Variants in GRM8 observed in about 807,000 individuals in gnomAD.
GRM8 encodes glutamate metabotropic receptor 8.
In GRM8, 47 loss-of-function variants were observed where a neutral mutation model predicts 87.2. The ratio of observed to expected loss-of-function variants is 0.54; its 90% CI spans 0.43 to 0.69. GRM8 has a LOEUF of 0.69. GRM8 is among the 30% of genes least tolerant of loss of function. The probability of loss-of-function intolerance (pLI) is 0.00; values close to 1 mark genes in which losing one functional copy is unlikely to be tolerated. For missense variants in GRM8, 1,019 were observed against 1,139.2 expected (o/e 0.89, Z 1.52); for synonymous variants, 396 against 404.5 (o/e 0.98, Z 0.25).
intron 8 of GRM8, among the ~76,000 whole-genome samples, chr7:126,544,576 T>G (rs1176771488): frequency 6.6e-6 from 1 of 152,086 alleles, no homozygotes; most frequent in African/African-American, 2.4e-5. Flanking sequence ...GGTGACACGA[T>G]CTCAGCTCAC....
chr7:126,684,797 T>C (rs1043748280), intron 7 of GRM8, among the ~76,000 whole-genome samples: 1 of 152,222 alleles, frequency 6.6e-6, no homozygotes, highest in African/African-American at 2.4e-5. Context: ...CTGTGTATTT[T>C]GTTTGTATTA....
At chr7:126,874,804 A>C (rs1285376042) in intron 6 of GRM8, among the ~76,000 whole-genome samples, 1 of 152,146 alleles carries the variant, frequency 6.6e-6, no homozygotes, top group Non-Finnish European at 1.5e-5. Context: ...ATGGAAGTAC[A>C]TTTGACCATT....
At position 127,027,598 on chromosome 7, in the gene GRM8, T is replaced by C. The variant is rs529586603; in HGVS notation, c.727+78898A>G. ...AGGTATTTTATTCTCTTTGAAGCAA[T>C]TGTGAATGGGAGTTCACTCACGATT... On this transcript the variant is annotated intron_variant, in intron 3 of 10. Transcript: ENST00000339582. Among the ~76,000 whole-genome samples the C allele has an allele frequency of 2.6e-5, 4 of 152,324 alleles. No individual in the cohort carries two copies. The South Asian group carries it at 8.3e-4, about 32-fold the overall frequency.
chr7:127,120,047 C>G (rs539652458), intron 2 of GRM8, among the ~76,000 whole-genome samples: 1 of 152,184 alleles, frequency 6.6e-6, no homozygotes, highest in Non-Finnish European at 1.5e-5. Flanking sequence ...AAACTTGTCA[C>G]GCACACCAAT....
chr7:126,506,024 A>G (rs1810414135), intron 9 of GRM8, among the ~76,000 whole-genome samples: 1 of 151,984 alleles, frequency 6.6e-6, no homozygotes, highest in South Asian at 2.1e-4. Context: ...GTCAACCACC[A>G]TGCTACTCTC....
At chr7:127,058,274 A>G (rs1820217224) in intron 3 of GRM8, 1 of 381,202 alleles carries the variant, frequency 2.6e-6, no homozygotes, top group African/African-American at 2.2e-5. Context: ...TTGTCAACAC[A>G]CTCCTGGTTG....
At chr7:126,893,561 G>A (rs910356707) in intron 6 of GRM8, among the ~76,000 whole-genome samples, 4 of 151,882 alleles carry the variant, frequency 2.6e-5, no homozygotes, top group African/African-American at 9.7e-5. Context: ...GGACTATCTG[G>A]CCATACATTA....
At chr7:126,843,286 A>T (rs1796437246) in intron 6 of GRM8, among the ~76,000 whole-genome samples, 1 of 152,194 alleles carries the variant, frequency 6.6e-6, no homozygotes, top group Non-Finnish European at 1.5e-5. Context: ...TAAATCCATT[A>T]TATAAACTAA....
chr7:126,847,294 G>A (rs1796786621), intron 6 of GRM8, among the ~76,000 whole-genome samples: 1 of 152,110 alleles, frequency 6.6e-6, no homozygotes, highest in South Asian at 2.1e-4. Context: ...TTATCACCTT[G>A]AGTACATAAT....
chr7:126,818,267 T>C (rs1441619313), intron 6 of GRM8, among the ~76,000 whole-genome samples: 2 of 152,200 alleles, frequency 1.3e-5, no homozygotes, highest in African/African-American at 4.8e-5. Flanking sequence ...ACGAGATATT[T>C]TCATTCCATA....
chr7:127,195,732 G>T (rs1370690603), intron 2 of GRM8, among the ~76,000 whole-genome samples: 3 of 152,064 alleles, frequency 2.0e-5, no homozygotes, highest in African/African-American at 7.2e-5. Flanking sequence ...AGAAAAATGA[G>T]GTGCTCTTCC....
chr7:127,223,640 T>C (rs1587319939), intron 2 of GRM8, among the ~76,000 whole-genome samples: 1 of 151,844 alleles, frequency 6.6e-6, no homozygotes, highest in Non-Finnish European at 1.5e-5. Flanking sequence ...TGCAAAGGTG[T>C]CAGAGGAGGC....
intron 3 of GRM8, chr7:127,058,226 C>T (rs1375371238): frequency 2.1e-6 from 1 of 466,196 alleles, no homozygotes; most frequent in East Asian, 6.9e-5. Flanking sequence ...AGCCTGGCCC[C>T]AGGAAGGGCA....
intron 7 of GRM8, among the ~76,000 whole-genome samples, chr7:126,677,377 C>T (rs1162729819): frequency 1.4e-5 from 2 of 144,760 alleles, no homozygotes; most frequent in South Asian, 2.2e-4. Context: ...AAAAAAAAAG[C>T]CATATCAAAA....
chr7:126,827,986 T>C (rs1277754208), intron 6 of GRM8, among the ~76,000 whole-genome samples: 3 of 152,244 alleles, frequency 2.0e-5, no homozygotes, highest in Non-Finnish European at 2.9e-5. Flanking sequence ...GTTTTTGTTT[T>C]TGGTTCTGTT....
chr7:126,814,600 A>G (rs1793600163), intron 6 of GRM8, among the ~76,000 whole-genome samples: 1 of 151,568 alleles, frequency 6.6e-6, no homozygotes. Context: ...CCAACCTAAA[A>G]CCCCTGCATT....
intron 7 of GRM8, among the ~76,000 whole-genome samples, chr7:126,738,854 G>A (rs1039063956): frequency 6.6e-6 from 1 of 151,288 alleles, no homozygotes; most frequent in Admixed American, 6.6e-5. Context: ...GGAGGAGGGG[G>A]AGGAAGAGGA....
intron 2 of GRM8, among the ~76,000 whole-genome samples, chr7:127,110,394 T>C (rs940470768): frequency 6.6e-6 from 1 of 152,190 alleles, no homozygotes; most frequent in Admixed American, 6.5e-5. Flanking sequence ...CCACTGTCCC[T>C]AGGTGACTTT....
At chr7:126,490,385 A>G (rs1807867672) in intron 9 of GRM8, among the ~76,000 whole-genome samples, 1 of 152,058 alleles carries the variant, frequency 6.6e-6, no homozygotes. Flanking sequence ...CATCTTGTTT[A>G]TAAAATCTTG....
Sources: gnomAD v4.1 joint callset for allele counts (sites outside exome capture counted in the v4.1 genomes callset) on GRCh38, gnomAD v4.1.1 for gene constraint, MANE v1.5 for transcripts, NCBI Gene and HGNC (gene_info 2026-07-23, HGNC 2026-07-21) for gene names.